ZPBP2: variants seen among roughly 807,000 people sequenced by gnomAD.
The protein encoded by ZPBP2 is zona pellucida-binding protein 2.
ZPBP2 carries 34 observed loss-of-function variants against 37.5 expected under a neutral mutation model. That is an observed-to-expected ratio of 0.91 (90% CI 0.69 to 1.21). ZPBP2 has a LOEUF of 1.21. Among genes scored for constraint, ZPBP2 ranks in the 50% most tolerant of loss-of-function variants. The probability of loss-of-function intolerance (pLI) is 0.00; values close to 1 mark genes in which losing one functional copy is unlikely to be tolerated. For missense variants in ZPBP2, 397 were observed against 413.5 expected (o/e 0.96, Z 0.35); for synonymous variants, 143 against 138.4 (o/e 1.03, Z -0.23).
chr17:39,868,266 C>T lies in ZPBP2; in HGVS notation c.-89C>T. On this transcript the variant is annotated 5_prime_UTR_variant, in exon 1 of 8. Coordinates refer to ENST00000348931, the MANE Select transcript of ZPBP2 (RefSeq NM_199321.3). ...GGCGACCCCGGCGTTCTGCTCCGCA[C>T]TGTGGAGGAGGTGGGGAGGTGTTGG... 6.7e-7 allele frequency: 1 copy of T among 1,488,252 alleles called. No homozygotes were observed. The highest frequency in any genetic ancestry group is 9.2e-7 in the Non-Finnish European group (1 of 1,089,218). The allele number at this position is 1,488,252 out of a possible 1,614,324, so 92.2% of individuals were successfully genotyped here. A position where few individuals can be genotyped will look rare whatever the true frequency, so the allele number is the denominator to read the frequency against.
chr17:39,868,292 G>T lies in ZPBP2; in HGVS notation c.-63G>T. 6.3e-7 allele frequency: 1 copy of T among 1,580,158 alleles called. No homozygotes were observed. On this transcript the variant is annotated 5_prime_UTR_variant, in exon 1 of 8. Coordinates refer to ENST00000348931, the MANE Select transcript of ZPBP2 (RefSeq NM_199321.3). ...TGTGGAGGAGGTGGGGAGGTGTTGGGCCAGGGCTGAGGTAGGAGGGAGTCT... is the reference window on the plus strand; with the variant it reads ...TGTGGAGGAGGTGGGGAGGTGTTGGTCCAGGGCTGAGGTAGGAGGGAGTCT...
intron 6 of ZPBP2, 84 bp from the exon 7 acceptor site, chr17:39,875,170 G>C: frequency 8.0e-7 from 1 of 1,257,010 alleles, no homozygotes; most frequent in Non-Finnish European, 1.1e-6. Flanking sequence ...CATGCTTACA[G>C]TACATTATTG....
intron 2 of ZPBP2, 76 bp from the exon 3 acceptor site, chr17:39,870,618 A>G (rs1210033558): frequency 1.1e-6 from 1 of 881,532 alleles, no homozygotes; most frequent in Non-Finnish European, 1.6e-6. Flanking sequence ...TGTCTTCAGC[A>G]CAAAATGGTA....
chr17:39,873,878 A>G (rs915514250), intron 6 of ZPBP2, among the ~76,000 whole-genome samples: 1 of 152,066 alleles, frequency 6.6e-6, no homozygotes, highest in Non-Finnish European at 1.5e-5. Context: ...GTTATTGTGC[A>G]TGGCTTATGA....
chr17:39,875,947 AGTGCAGT>A (rs71152617), intron 7 of ZPBP2, among the ~76,000 whole-genome samples: 53,376 of 129,482 alleles, frequency 0.41, 11,448 homozygotes, highest in Non-Finnish European at 0.45. Context: ...CCCAGGCTGC[AGTGCAGT>A]GTGCAGTGTG....
At position 39,875,895 on chromosome 17, in the gene ZPBP2, T is replaced by C. The variant is rs1202623702; in HGVS notation, c.889+461T>C. 1.6e-3 allele frequency among the ~76,000 whole-genome samples: 178 copies of C among 108,122 alleles called. 1 individual carries two copies. The highest frequency in any genetic ancestry group is 2.8e-3 in the Non-Finnish European group (140 of 49,740). The allele number at this position is 108,122 out of a possible 152,430, so 70.9% of individuals were successfully genotyped here. On this transcript the variant is annotated intron_variant, in intron 7 of 7. Coordinates refer to ENST00000348931, the MANE Select transcript of ZPBP2 (RefSeq NM_199321.3). ...CCATGCTTGGCCCCTTTTTTTTTTT[T>C]TTTTTTTTTTTTTTTTTTTGAGATG...
chr17:39,877,089 A>T lies in ZPBP2; in HGVS notation c.*280A>T. On this transcript the variant is annotated 3_prime_UTR_variant, in exon 8 of 8. Transcript: ENST00000348931. ...GGTATGTTGCTGTGTACCTAAGAGTATAGTAAGGTCAAGAAGAGTATCAAA... is the reference window on the plus strand; with the variant it reads ...GGTATGTTGCTGTGTACCTAAGAGTTTAGTAAGGTCAAGAAGAGTATCAAA... 1 of 271,820 alleles carries T rather than the reference A, an allele frequency of 3.7e-6. No homozygotes were observed. Among genetic ancestry groups the T allele is most frequent in the Admixed American group, 4.5e-5 (1 of 22,044 alleles). The allele number at this position is 271,820 out of a possible 1,614,324, so 16.8% of individuals were successfully genotyped here.
chr17:39,873,200 G>A, intron 6 of ZPBP2, 74 bp downstream of exon 6: 1 of 1,379,580 alleles, frequency 7.2e-7, no homozygotes. Flanking sequence ...CCAGGCTGGA[G>A]TGCAGTGGTG....
At chr17:39,871,147 A>G (rs12709365) in intron 3 of ZPBP2, among the ~76,000 whole-genome samples, 60,426 of 151,950 alleles carry the variant, frequency 0.4, 12,596 homozygotes, top group Non-Finnish European at 0.45. Context: ...TTGGAACATA[A>G]GTATTATTAA....
In ZPBP2 at chr17:39,873,114, T is replaced by A; in HGVS notation, c.696T>A (p.His232Gln). The change falls in exon 6 of 8, where the codon CAT becomes CAA. Residue 232 changes from histidine to glutamine, a missense_variant. His to Gln is a conservative substitution (Grantham distance 24). Transcript: ENST00000348931. ...GSVDCEDTTN[H>Q]NILQARDRIE... ...TTGACTGTGAAGATACCACTAATCA[T>A]AATATCCTCCAGGTGAGAATTTCAT... The A allele has an allele frequency of 6.2e-7, 1 of 1,609,276 alleles. No homozygotes were observed. Among genetic ancestry groups the A allele is most frequent in the Non-Finnish European group, 8.5e-7 (1 of 1,178,200 alleles).
rs762975536 is a variant in ZPBP2, at chr17:39,868,388, C to A, written c.34C>A (p.Leu12Ile). 5.0e-6 allele frequency: 8 copies of A among 1,610,616 alleles called. No individual in the cohort carries two copies. The highest frequency in any genetic ancestry group is 6.8e-6 in the Non-Finnish European group (8 of 1,179,984). ...AACGTGCGTCCTACTCTCCGCGGTG[C>A]TCTGGTGCCTCACAGGAGGTGGGGC... ...MRTCVLLSAV[L>I]WCLTGVQCPR... The change falls in exon 1 of 8, where the codon CTC becomes ATC. Residue 12 changes from leucine to isoleucine, a missense_variant. Transcript: ENST00000348931.
In ZPBP2 at chr17:39,875,883, C is replaced by CCTTTT. The variant is rs1555647948; in HGVS notation, c.889+449_889+450insCTTTT. Among the ~76,000 whole-genome samples the CCTTTT allele has an allele frequency of 3.9e-4, 25 of 63,776 alleles. 2 individuals carry two copies. The highest frequency in any genetic ancestry group is 7.0e-4 in the Non-Finnish European group (21 of 30,084). 41.8% of individuals were successfully genotyped at this position (63,776 alleles called of 152,430 possible). On this transcript the variant is annotated intron_variant, in intron 7 of 7. Transcript: ENST00000348931. The stretch of plus-strand genomic sequence containing the variant: ...AGGTGTGGGCTACCATGCTTGGCCC[C>CCTTTT]TTTTTTTTTTTTTTTTTTTTTTTTT...
At chr17:39,868,969 T>A (rs1389926800) in intron 2 of ZPBP2, among the ~76,000 whole-genome samples, 2 of 152,162 alleles carry the variant, frequency 1.3e-5, no homozygotes, top group Non-Finnish European at 2.9e-5. Context: ...CCTCCCCTTA[T>A]TAACTGGAAA....
intron 7 of ZPBP2, among the ~76,000 whole-genome samples, 159 bp downstream of exon 7, chr17:39,875,593 A>G (rs1259532436): frequency 6.8e-6 from 1 of 146,110 alleles, no homozygotes; most frequent in Non-Finnish European, 1.5e-5. Flanking sequence ...CAAAGCCCCA[A>G]TTTTTTTTTT....
At chr17:39,870,603 A>G in intron 2 of ZPBP2, 91 bp from the exon 3 acceptor site, 1 of 716,440 alleles carries the variant, frequency 1.4e-6, no homozygotes, top group Non-Finnish European at 2.0e-6. Context: ...ACAAGAACTA[A>G]TTCGTGTCTT....
At chr17:39,875,164 C>T (rs979772268) in intron 6 of ZPBP2, 90 bp from the exon 7 acceptor site, 53 of 1,183,782 alleles carry the variant, frequency 4.5e-5, no homozygotes, top group Non-Finnish European at 5.8e-5. Flanking sequence ...GTATGGCATG[C>T]TTACAGTACA....
At position 39,872,271 on chromosome 17, in the gene ZPBP2, C is replaced by T. The variant is rs2063368388; in HGVS notation, c.408C>T (p.Ala136=). 1.3e-6 allele frequency: 2 copies of T among 1,575,512 alleles called. No homozygotes were observed. Among genetic ancestry groups the T allele is most frequent in the Admixed American group, 2.0e-5 (1 of 50,808 alleles). The change falls in exon 5 of 8, where the codon GCC becomes GCT. Residue 136 remains alanine, a splice_region_variant and synonymous_variant. Transcript: ENST00000348931. ...CTCATCTTTCTTTTTTTTTTAAAGC[C>T]TATCGGGAACCTGATTATTCATATC... is the stretch of plus-strand genomic sequence containing the variant. ...VKKRYDFMVF[A]YREPDYSYQM... is the part of the protein sequence containing the mutation.
At chr17:39,872,612 G>A (rs1437873881) in intron 5 of ZPBP2, 124 bp downstream of exon 5, 1 of 651,856 alleles carries the variant, frequency 1.5e-6, no homozygotes, top group Non-Finnish European at 2.5e-6. Flanking sequence ...AAGCACTAAA[G>A]TATGTAGTTG....
chr17:39,877,186 G>T lies in ZPBP2; in HGVS notation c.*377G>T. The T allele has an allele frequency of 6.4e-6, 1 of 157,426 alleles. No homozygotes were observed. The highest frequency in any genetic ancestry group is 1.9e-4 in the South Asian group (1 of 5,368). The allele number at this position is 157,426 out of a possible 1,614,324, so 9.8% of individuals were successfully genotyped here. A position where few individuals can be genotyped will look rare whatever the true frequency, so the allele number is the denominator to read the frequency against. On this transcript the variant is annotated 3_prime_UTR_variant, in exon 8 of 8. Coordinates refer to ENST00000348931, the MANE Select transcript of ZPBP2 (RefSeq NM_199321.3). ...GGAATCACTCTTGTGTGATATAAAG[G>T]CGTGTATATTATCTTTGTATTAGAA... is the stretch of plus-strand genomic sequence containing the variant.
Sources: gnomAD v4.1 joint callset for allele counts (sites outside exome capture counted in the v4.1 genomes callset) on GRCh38, gnomAD v4.1.1 for gene constraint, MANE v1.5 for transcripts, NCBI Gene and HGNC (gene_info 2026-07-23, HGNC 2026-07-21) for gene names.